The following ULK4 variants were observed in gnomAD, a reference collection of about 807,000 sequenced individuals.
ULK4 encodes inactive serine/threonine-protein kinase ULK4.
ULK4 carries 133 observed loss-of-function variants against 160.6 expected under a neutral mutation model. The observed-to-expected ratio is 0.83, with a 90% CI of 0.72 to 0.96. The LOEUF (loss-of-function observed/expected upper bound fraction) is 0.96. Among genes scored for constraint, ULK4 ranks in the 40% least tolerant of loss-of-function variants. ULK4 has a pLI of 0.00. For missense variants in ULK4, 1,580 were observed against 1,499.5 expected (o/e 1.05, Z -0.89); for synonymous variants, 534 against 539.8 (o/e 0.99, Z 0.15).
intron 34 of ULK4, among the ~76,000 whole-genome samples, chr3:41,435,171 T>C (rs913454875): frequency 2.6e-5 from 4 of 152,216 alleles, no homozygotes; most frequent in Admixed American, 2.0e-4. Flanking sequence ...ATACATAAGT[T>C]TACTTCTCTG....
chr3:41,356,632 T>C (rs17056279), intron 35 of ULK4, among the ~76,000 whole-genome samples: 2,892 of 152,316 alleles, frequency 0.019, 96 homozygotes, highest in African/African-American at 0.065. Context: ...CTGTAATGCT[T>C]TGTTTTCTCT....
chr3:41,283,592 C>T (rs2079402515), intron 35 of ULK4, among the ~76,000 whole-genome samples: 1 of 152,110 alleles, frequency 6.6e-6, no homozygotes, highest in Non-Finnish European at 1.5e-5. Flanking sequence ...GGGAATTGAA[C>T]AATGAGAACA....
At chr3:41,854,171 G>A (rs908121884) in intron 17 of ULK4, 1 of 152,168 alleles carries the variant, frequency 6.6e-6, no homozygotes, top group Non-Finnish European at 1.5e-5. Flanking sequence ...TCAATGTTGA[G>A]AACCACTGCC....
At chr3:41,358,199 A>G (rs1050958491) in intron 35 of ULK4, among the ~76,000 whole-genome samples, 5 of 152,238 alleles carry the variant, frequency 3.3e-5, no homozygotes, top group Admixed American at 3.3e-4. Flanking sequence ...GCTCAAGCCC[A>G]TTCCAGAGAG....
chr3:41,669,799 T>C (rs1015539744), intron 29 of ULK4, among the ~76,000 whole-genome samples: 2 of 152,172 alleles, frequency 1.3e-5, no homozygotes, highest in African/African-American at 4.8e-5. Flanking sequence ...TATAGTGTTA[T>C]ATAAATGTAG....
At chr3:41,506,767 A>AAAAAAAAAAATATATAT in intron 32 of ULK4, among the ~76,000 whole-genome samples, 2 of 56,766 alleles carry the variant, frequency 3.5e-5, no homozygotes, top group African/African-American at 1.6e-4. Context: ...TGTGATTTAA[A>AAAAAAAAAAATATATAT]ATATATATAT....
intron 17 of ULK4, among the ~76,000 whole-genome samples, chr3:41,875,950 A>G (rs1575868234): frequency 6.8e-6 from 1 of 147,086 alleles, no homozygotes; most frequent in East Asian, 2.0e-4. Flanking sequence ...AGTATCACCT[A>G]TGATATGTTC....
intron 32 of ULK4, among the ~76,000 whole-genome samples, chr3:41,496,120 C>G (rs1415556763): frequency 6.6e-6 from 1 of 151,774 alleles, no homozygotes; most frequent in Non-Finnish European, 1.5e-5. Context: ...TCAATTTTCA[C>G]CTATTTGTAA....
chr3:41,703,883 CTG>C (rs1559496454), intron 27 of ULK4, among the ~76,000 whole-genome samples: 3 of 149,240 alleles, frequency 2.0e-5, no homozygotes, highest in Non-Finnish European at 3.0e-5. Flanking sequence ...CACAAGTTAA[CTG>C]TGTTTGAAGG....
At chr3:41,668,140 G>A (rs1458354838) in intron 29 of ULK4, among the ~76,000 whole-genome samples, 1 of 152,126 alleles carries the variant, frequency 6.6e-6, no homozygotes, top group African/African-American at 2.4e-5. Context: ...CATTCTGCAG[G>A]GATTAAGTCA....
At chr3:41,701,368 G>C (rs1378925221) in intron 27 of ULK4, among the ~76,000 whole-genome samples, 4 of 152,126 alleles carry the variant, frequency 2.6e-5, no homozygotes, top group Admixed American at 6.5e-5. Flanking sequence ...TTCCTTCTGA[G>C]GAAAAACTTG....
intron 32 of ULK4, among the ~76,000 whole-genome samples, chr3:41,531,645 T>G (rs907367455): frequency 4.6e-5 from 7 of 152,198 alleles, no homozygotes; most frequent in Non-Finnish European, 8.8e-5. Context: ...ATTTAAACTT[T>G]ACTTGCATAT....
intron 22 of ULK4, among the ~76,000 whole-genome samples, chr3:41,736,594 C>T (rs959809104): frequency 6.6e-6 from 1 of 151,596 alleles, no homozygotes. Flanking sequence ...GGATATTAGC[C>T]CTTTGTCAGA....
intron 20 of ULK4, among the ~76,000 whole-genome samples, chr3:41,792,406 A>T (rs1381575386): frequency 6.6e-6 from 1 of 151,886 alleles, no homozygotes; most frequent in Non-Finnish European, 1.5e-5. Context: ...TAATCCAAGT[A>T]TTTTTTTTAA....
At chr3:41,832,999 T>C (rs1262221265) in intron 18 of ULK4, among the ~76,000 whole-genome samples, 1 of 152,178 alleles carries the variant, frequency 6.6e-6, no homozygotes. Flanking sequence ...TCGCTTAGGA[T>C]TGTCTTGGCT....
intron 32 of ULK4, among the ~76,000 whole-genome samples, chr3:41,538,489 T>G (rs536112004): frequency 1.3e-5 from 2 of 152,292 alleles, no homozygotes; most frequent in African/African-American, 2.4e-5. Flanking sequence ...CTCTGCTTCT[T>G]AGAAGCACTT....
chr3:41,348,664 CTTCT>C (rs5848600), intron 35 of ULK4, among the ~76,000 whole-genome samples: 5,364 of 152,262 alleles, frequency 0.035, 253 homozygotes, highest in East Asian at 0.19. Context: ...AAATGTAAGA[CTTCT>C]TTGAGTACGA....
intron 32 of ULK4, among the ~76,000 whole-genome samples, chr3:41,486,934 T>A (rs2084558365): frequency 6.6e-6 from 1 of 151,976 alleles, no homozygotes; most frequent in African/African-American, 2.4e-5. Flanking sequence ...GCCAAAGCAA[T>A]AAAGAAAGGA....
intron 1 of ULK4, among the ~76,000 whole-genome samples, chr3:41,959,073 CA>C (rs1235313437): frequency 2.0e-5 from 3 of 151,636 alleles, no homozygotes; most frequent in Non-Finnish European, 4.4e-5. Flanking sequence ...ACTAAAAATA[CA>C]AAAATTAGGC....
Sources: allele counts gnomAD v4.1 joint callset (sites outside exome capture counted in the v4.1 genomes callset), GRCh38; gene constraint gnomAD v4.1.1; transcripts MANE v1.5; gene names NCBI Gene and HGNC (gene_info 2026-07-23, HGNC 2026-07-21).